HIVEP3: variants seen among roughly 807,000 people sequenced by gnomAD.
HIVEP3 encodes HIVEP zinc finger 3.
Under a neutral mutation model 152.8 loss-of-function variants are expected in HIVEP3, and 49 were observed. The observed-to-expected ratio is 0.32, with a 90% CI of 0.26 to 0.41. The LOEUF (loss-of-function observed/expected upper bound fraction) is 0.41, where lower values mean the gene tolerates loss of function less well. Among genes scored for constraint, HIVEP3 ranks in the 10% least tolerant of loss-of-function variants. The pLI is 1.00. For missense variants in HIVEP3, 2,790 were observed against 3,103.3 expected, an observed-to-expected ratio of 0.90 and a Z score of 2.40; for synonymous variants, 1,269 against 1,289.0, an observed-to-expected ratio of 0.98 and a Z score of 0.33.
At chr1:41,806,527 G>A (rs1364696845) in intron 1 of HIVEP3, among the ~76,000 whole-genome samples, 1 of 152,208 alleles carries the variant, frequency 6.6e-6, no homozygotes, top group African/African-American at 2.4e-5. Context: ...TGTGAATGGG[G>A]GTAAGAAGAG....
intron 1 of HIVEP3, among the ~76,000 whole-genome samples, chr1:41,736,645 A>G (rs1319638904): frequency 6.6e-6 from 1 of 152,208 alleles, no homozygotes; most frequent in African/African-American, 2.4e-5. Context: ...GATGCAGGCC[A>G]AGGAACCAGG....
At chr1:41,512,499 T>C (rs1481005965) in intron 8 of HIVEP3, among the ~76,000 whole-genome samples, 1 of 152,214 alleles carries the variant, frequency 6.6e-6, no homozygotes, top group Non-Finnish European at 1.5e-5. Flanking sequence ...CTTTTCATTA[T>C]AAATTACCCA....
chr1:42,012,588 G>T (rs1425408818), intron 1 of HIVEP3, among the ~76,000 whole-genome samples: 3 of 152,186 alleles, frequency 2.0e-5, no homozygotes, highest in Non-Finnish European at 4.4e-5. Context: ...TACTTGGAAG[G>T]CTGAGACAAG....
At chr1:41,928,425 A>G (rs1236587830) in intron 1 of HIVEP3, among the ~76,000 whole-genome samples, 1 of 152,236 alleles carries the variant, frequency 6.6e-6, no homozygotes, top group Non-Finnish European at 1.5e-5. Flanking sequence ...ACAAGTTCCC[A>G]TACACCCTTT....
intron 2 of HIVEP3, among the ~76,000 whole-genome samples, chr1:41,629,681 C>T (rs1038658611): frequency 4.3e-4 from 65 of 152,266 alleles, no homozygotes; most frequent in African/African-American, 1.5e-3. Flanking sequence ...AAATGCTCAA[C>T]GTCACTAATC....
chr1:41,572,820 T>A (rs1025404895), intron 5 of HIVEP3, among the ~76,000 whole-genome samples: 1 of 152,258 alleles, frequency 6.6e-6, no homozygotes, highest in African/African-American at 2.4e-5. Context: ...TGTATCAACA[T>A]GGATGCACGT....
intron 1 of HIVEP3, among the ~76,000 whole-genome samples, chr1:41,982,175 G>A (rs76627097): frequency 0.015 from 2,352 of 152,282 alleles, 56 homozygotes; most frequent in African/African-American, 0.053. Context: ...CATTGAAAGC[G>A]AAGCCTTATC....
chr1:41,935,280 T>C (rs72949464), intron 1 of HIVEP3, among the ~76,000 whole-genome samples: 3,092 of 152,238 alleles, frequency 0.02, 100 homozygotes, highest in African/African-American at 0.071. Context: ...AATTAACATA[T>C]GTTAGAACTA....
upstream of HIVEP3, among the ~76,000 whole-genome samples, chr1:41,919,992 G>A (rs1006063156): frequency 3.3e-5 from 5 of 152,070 alleles, no homozygotes; most frequent in Admixed American, 2.6e-4. Context: ...TCCTACAGCC[G>A]CTCCAGCATC....
intron 1 of HIVEP3, among the ~76,000 whole-genome samples, chr1:41,983,519 A>G (rs61683444): frequency 0.04 from 6,125 of 152,288 alleles, 437 homozygotes; most frequent in African/African-American, 0.14. Flanking sequence ...AAAGGTATGG[A>G]GGAACAACCA....
intron 1 of HIVEP3, among the ~76,000 whole-genome samples, chr1:41,934,414 G>C (rs982003493): frequency 6.6e-6 from 1 of 152,070 alleles, no homozygotes; most frequent in African/African-American, 2.4e-5. Context: ...GGGCCTACTG[G>C]GTACCCAGCA....
intron 1 of HIVEP3, among the ~76,000 whole-genome samples, chr1:41,740,374 C>T (rs1281483891): frequency 2.0e-5 from 3 of 152,248 alleles, no homozygotes; most frequent in Non-Finnish European, 4.4e-5. Flanking sequence ...TTCTCTGCCG[C>T]TCTTCTATTG....
chr1:41,737,676 G>A (rs115115343), intron 1 of HIVEP3, among the ~76,000 whole-genome samples: 5 of 152,326 alleles, frequency 3.3e-5, no homozygotes, highest in South Asian at 4.1e-4. Flanking sequence ...TCAAGGTCAC[G>A]TGGTTAATTA....
intron 7 of HIVEP3, 62 bp from the exon 8 acceptor site, chr1:41,513,812 C>A: frequency 7.5e-7 from 1 of 1,336,490 alleles, no homozygotes; most frequent in Non-Finnish European, 9.9e-7. Context: ...GCCCACACGG[C>A]TGCTCCTCTC....
chr1:41,999,597 A>T (rs753532820), intron 1 of HIVEP3, among the ~76,000 whole-genome samples: 6 of 152,194 alleles, frequency 3.9e-5, no homozygotes, highest in Non-Finnish European at 8.8e-5. Flanking sequence ...AGATAAATAG[A>T]GAAAAATTAA....
In HIVEP3 at chr1:41,524,735, C is replaced by G. The variant is rs1466355692; in HGVS notation, c.5383G>C (p.Gly1795Arg). ...AGTGCCCCAGCTGACTCTCTCTTAC[C>G]TTTGGTTTTAAAAGCAAAGTGACAG... is the stretch of plus-strand genomic sequence containing the variant. ...KHCHFAFKTKGNLTKHMKSKA... is the reference protein window; with the variant it reads ...KHCHFAFKTKRNLTKHMKSKA... Residue 1795 changes from glycine (G) to arginine (R), a missense_variant and splice_region_variant, in exon 6 of 9, where the codon GGG becomes CGG. Gly to Arg is a moderately radical substitution (Grantham distance 125). Around this residue, in one of 9 missense-constraint regions of HIVEP3, gnomAD observed 57 missense variants for 95.1 expected, o/e 0.60. Transcript: ENST00000372583. 6.2e-7 allele frequency: 1 copy of G among 1,613,622 alleles called. No homozygotes were observed.
intron 3 of HIVEP3, among the ~76,000 whole-genome samples, chr1:41,604,948 A>T (rs1456405744): frequency 6.6e-6 from 1 of 151,788 alleles, no homozygotes. Flanking sequence ...TACAAAAAAT[A>T]AATAAAATTA....
At chr1:41,885,702 CCTCCTTCCCT>C in intron 1 of HIVEP3, among the ~76,000 whole-genome samples, 1 of 150,672 alleles carries the variant, frequency 6.6e-6, no homozygotes, top group African/African-American at 2.5e-5. Context: ...TCCTTCCCTT[CCTCCTTCCCT>C]TCCTCCTTCC....
At chr1:41,555,005 G>A (rs986273814) in intron 5 of HIVEP3, among the ~76,000 whole-genome samples, 2 of 152,172 alleles carry the variant, frequency 1.3e-5, no homozygotes, top group Admixed American at 6.5e-5. Flanking sequence ...CACCATGCTG[G>A]GAGAACCACT....
Sources: allele counts gnomAD v4.1 joint callset (sites outside exome capture counted in the v4.1 genomes callset), GRCh38; gene constraint gnomAD v4.1.1; regional missense constraint gnomAD v4.1.1; transcripts MANE v1.5; gene names NCBI Gene and HGNC (gene_info 2026-07-23, HGNC 2026-07-21).